GBF1: variants seen among roughly 807,000 people sequenced by gnomAD.
GBF1 encodes the protein Golgi-specific brefeldin A-resistance guanine nucleotide exchange factor 1.
GBF1 carries 114 observed loss-of-function variants against 210.5 expected under a neutral mutation model. That is an observed-to-expected ratio of 0.54 (90% CI 0.47 to 0.63). The LOEUF is 0.63. GBF1 is among the 30% of genes least tolerant of loss of function. The probability of loss-of-function intolerance (pLI) is 0.00; values close to 1 mark genes in which losing one functional copy is unlikely to be tolerated. For synonymous variants in GBF1, 850 were observed against 889.2 expected (o/e 0.96, Z 0.78); for missense variants, 1,851 against 2,357.7 (o/e 0.79, Z 4.45).
At position 102,258,993 on chromosome 10, in the gene GBF1, G is replaced by A. The variant is rs750994047; in HGVS notation, c.55G>A (p.Ala19Thr). 1.7e-5 allele frequency: 27 copies of A among 1,608,074 alleles called. No individual in the cohort carries two copies. In the South Asian group the frequency reaches 2.0e-4, roughly 12 times the overall value. ...IQGEINIVVGAIKRNARWSTH... is the reference protein window; with the variant it reads ...IQGEINIVVGTIKRNARWSTH... ...AGGGGAGATTAACATTGTGGTTGGG[G>A]CCATCAAACGAAATGCCCGATGGAG... Residue 19 changes from alanine (A) to threonine (T), a missense_variant, in exon 2 of 40, where the codon GCC (alanine) becomes ACC (threonine). Physicochemically the swap from Ala to Thr is moderately conservative, Grantham distance 58. Transcript: ENST00000369983.
chr10:102,362,552 C>T lies in GBF1; in HGVS notation c.1764C>T (p.Ser588=). 1.2e-6 allele frequency: 2 copies of T among 1,613,714 alleles called. No homozygotes were observed. The highest frequency in any genetic ancestry group is 1.7e-6 in the Non-Finnish European group (2 of 1,179,612). ...ATGCCCTATTGACAGTGATTGACAG[C>T]ACCGAGGCCCACTGCCAGGCTAAAG... is the stretch of plus-strand genomic sequence containing the variant. ...SLDALLTVID[S]TEAHCQAKVL... is the part of the protein sequence containing the mutation. The change falls in exon 15 of 40, where the codon AGC becomes AGT. Residue 588 remains serine (S), a synonymous_variant. Coordinates refer to ENST00000369983, the MANE Select transcript of GBF1 (RefSeq NM_001377137.1).
chr10:102,356,691 C>T (rs1293728058), intron 8 of GBF1, among the ~76,000 whole-genome samples: 4 of 149,650 alleles, frequency 2.7e-5, no homozygotes, highest in Non-Finnish European at 5.9e-5. Flanking sequence ...GGCGTGAACC[C>T]AGGAGGCGGA....
intron 3 of GBF1, among the ~76,000 whole-genome samples, chr10:102,339,463 G>A (rs536099000): frequency 5.3e-5 from 8 of 151,268 alleles, no homozygotes; most frequent in Non-Finnish European, 1.0e-4. Flanking sequence ...TCAAGAGATC[G>A]AGACCATCCT....
chr10:102,378,047 G>A (rs1297837837), intron 33 of GBF1, among the ~76,000 whole-genome samples: 1 of 151,152 alleles, frequency 6.6e-6, no homozygotes, highest in African/African-American at 2.4e-5. Context: ...GTGAAACCCC[G>A]TCTCTACTAA....
chr10:102,329,272 C>T (rs994283571), intron 3 of GBF1, among the ~76,000 whole-genome samples: 1 of 152,116 alleles, frequency 6.6e-6, no homozygotes, highest in Admixed American at 6.5e-5. Context: ...CTGTGGGCCT[C>T]ATTTATCCCT....
chr10:102,281,930 CTTT>C (rs772397261), intron 3 of GBF1, among the ~76,000 whole-genome samples: 1 of 140,632 alleles, frequency 7.1e-6, no homozygotes, highest in Non-Finnish European at 1.6e-5. Flanking sequence ...TCTTTCTTTT[CTTT>C]TTTTTTTTTT....
rs1589749695 is a variant in GBF1 at position 102,353,504 on chromosome 10, A to T, written c.585-96A>T. On this transcript the variant is annotated intron_variant, in intron 7 of 39. Coordinates refer to ENST00000369983, the MANE Select transcript of GBF1 (RefSeq NM_001377137.1). ...TGTAGCCTTTTCTAAGACACAGGGC[A>T]TGCTCTGGCTCAGAGCACCTTTGGT... 3.7e-6 allele frequency: 3 copies of T among 818,854 alleles called. No homozygotes were observed. The East Asian group carries it at 7.3e-5, about 20-fold the overall frequency. 50.7% of individuals were successfully genotyped at this position (818,854 alleles called of 1,614,324 possible).
chr10:102,369,688 A>C (rs761555064), intron 24 of GBF1, 23 bp from the exon 25 acceptor site: 7 of 1,611,132 alleles, frequency 4.3e-6, no homozygotes, highest in Non-Finnish European at 5.9e-6. Flanking sequence ...ATGGAAAGAA[A>C]TTATTTTGAC....
chr10:102,368,733 T>A lies in GBF1; in HGVS notation c.2880-6T>A. 6.2e-7 allele frequency: 1 copy of A among 1,605,878 alleles called. No individual in the cohort carries two copies. Among genetic ancestry groups the A allele is most frequent in the African/African-American group, 1.3e-5 (1 of 74,854 alleles). Reference sequence around the variant, plus strand: ...TCTGTTTCTGGGATGGGGGGTAACATTACAGGAAGTGCGCCATGATCTCCG... The same window carrying A: ...TCTGTTTCTGGGATGGGGGGTAACAATACAGGAAGTGCGCCATGATCTCCG... On this transcript the variant is annotated splice_polypyrimidine_tract_variant and splice_region_variant and intron_variant, in intron 22 of 39. Coordinates refer to ENST00000369983, the MANE Select transcript of GBF1 (RefSeq NM_001377137.1).
chr10:102,377,679 T>G (rs780179078), intron 33 of GBF1, among the ~76,000 whole-genome samples: 27 of 152,148 alleles, frequency 1.8e-4, no homozygotes, highest in Non-Finnish European at 3.4e-4. Context: ...AACTAAGATT[T>G]ACTTATTTTT....
chr10:102,250,997 A>G (rs2071452775), intron 1 of GBF1, among the ~76,000 whole-genome samples: 2 of 102,928 alleles, frequency 1.9e-5, no homozygotes, highest in Non-Finnish European at 1.9e-5. Context: ...AAACCCCATA[A>G]AAGTGATTAA....
Position 102,320,275 on chromosome 10 carries a change from T to C in GBF1, c.164-23776T>C, listed in dbSNP as rs569749941. Among the ~76,000 whole-genome samples the C allele has an allele frequency of 1.3e-4, 20 of 152,062 alleles. 1 individual carries two copies. In the South Asian group the frequency reaches 4.1e-3, roughly 32 times the overall value. The stretch of plus-strand genomic sequence containing the variant: ...TTCTTCTCATTTCCAGTGTTGATCT[T>C]GAGTAGTCTGATGCCATATTGAATC... On this transcript the variant is annotated intron_variant, in intron 3 of 39. Transcript: ENST00000369983.
At chr10:102,303,258 G>T (rs2077551256) in intron 3 of GBF1, among the ~76,000 whole-genome samples, 1 of 152,154 alleles carries the variant, frequency 6.6e-6, no homozygotes, top group Admixed American at 6.5e-5. Context: ...AAAGTGCTGG[G>T]ATTACAGGCG....
intron 3 of GBF1, among the ~76,000 whole-genome samples, chr10:102,338,701 C>A (rs1203153106): frequency 6.6e-6 from 1 of 151,972 alleles, no homozygotes; most frequent in Non-Finnish European, 1.5e-5. Context: ...AATCCCAGCA[C>A]TTTGGTAGGC....
At position 102,367,653 on chromosome 10, in the gene GBF1, ACT is replaced by A. The variant is rs2059985752; in HGVS notation, c.2642+95_2642+96del. ...TTTAGAGTCATGTCAGACTGCAGTG[ACT>A]CACATGCCCTGGATTTAGCCTCAGG... On this transcript the variant is annotated intron_variant, in intron 21 of 39. Coordinates refer to ENST00000369983, the MANE Select transcript of GBF1 (RefSeq NM_001377137.1). 3.8e-6 allele frequency: 3 copies of A among 798,490 alleles called. No homozygotes were observed. The East Asian group carries it at 7.5e-5, about 20-fold the overall frequency. The allele number at this position is 798,490 out of a possible 1,614,324, so 49.5% of individuals were successfully genotyped here.
chr10:102,297,982 T>C (rs1333339527), intron 3 of GBF1, among the ~76,000 whole-genome samples: 1 of 152,208 alleles, frequency 6.6e-6, no homozygotes, highest in Non-Finnish European at 1.5e-5. Flanking sequence ...TTACCCAGGC[T>C]GGAGTGCAGT....
At position 102,253,188 on chromosome 10, in the gene GBF1, C is replaced by A. The variant is rs1399984986; in HGVS notation, c.-10-5741C>A. On this transcript the variant is annotated intron_variant, in intron 1 of 39. Coordinates refer to ENST00000369983, the MANE Select transcript of GBF1 (RefSeq NM_001377137.1). ...GGGATTACAAGCATGAGCCACTGCC[C>A]CCAGCCGAGGGGCTATTTTAGACAA... Among the ~76,000 whole-genome samples the A allele has an allele frequency of 5.9e-5, 9 of 152,272 alleles. No homozygotes were observed. The East Asian group carries it at 1.7e-3, about 29-fold the overall frequency.
chr10:102,292,405 C>T (rs953469061), intron 3 of GBF1, among the ~76,000 whole-genome samples: 1 of 152,212 alleles, frequency 6.6e-6, no homozygotes, highest in Non-Finnish European at 1.5e-5. Context: ...CTGTGACGCC[C>T]AGGCTGGAGT....
At chr10:102,370,091 C>A in intron 26 of GBF1, 83 bp from the exon 27 acceptor site, 2 of 1,519,784 alleles carry the variant, frequency 1.3e-6, no homozygotes, top group South Asian at 1.1e-5. Flanking sequence ...AGGGCTGACT[C>A]TGCCCTCTCC....
Sources: allele counts gnomAD v4.1 joint callset (sites outside exome capture counted in the v4.1 genomes callset), GRCh38; gene constraint gnomAD v4.1.1; transcripts MANE v1.5; gene names NCBI Gene and HGNC (gene_info 2026-07-23, HGNC 2026-07-21).